POLR3GL: variants seen among roughly 807,000 people sequenced by gnomAD.
The protein encoded by POLR3GL is RNA polymerase III subunit GL.
Under a neutral mutation model 32.4 loss-of-function variants are expected in POLR3GL, and 26 were observed. The ratio of observed to expected loss-of-function variants is 0.80; its 90% CI spans 0.59 to 1.11. The LOEUF (loss-of-function observed/expected upper bound fraction) is 1.11, where lower values mean the gene tolerates loss of function less well. POLR3GL is among the 50% of genes most tolerant of loss of function. POLR3GL has a pLI of 0.00. For missense variants in POLR3GL, 229 were observed against 280.1 expected (o/e 0.82, Z 1.30); for synonymous variants, 95 against 98.7 (o/e 0.96, Z 0.22).
intron 1 of POLR3GL, among the ~76,000 whole-genome samples, chr1:145,972,966 T>C (rs1173369861): frequency 6.6e-6 from 1 of 152,118 alleles, no homozygotes; most frequent in Non-Finnish European, 1.5e-5. Context: ...CTCAAAGTGC[T>C]GGGATTATAG....
chr1:145,977,696 T>C (rs1272321909), intron 5 of POLR3GL, 82 bp from the exon 6 acceptor site: 70 of 1,390,194 alleles, frequency 5.0e-5, no homozygotes, highest in Non-Finnish European at 6.7e-5. Flanking sequence ...GGCAGCAGAG[T>C]GACATGTTCT....
At chr1:145,967,012 GCTGTTGATTTAA>G in intron 1 of POLR3GL, among the ~76,000 whole-genome samples, 1 of 152,032 alleles carries the variant, frequency 6.6e-6, no homozygotes, top group Middle Eastern at 3.4e-3. Flanking sequence ...CATTTCAAAG[GCTGTTGATTTAA>G]CTGGACAAAT....
In POLR3GL at chr1:145,974,978, C is replaced by A; in HGVS notation, c.113C>A (p.Ser38Tyr). 2.0e-6 allele frequency: 3 copies of A among 1,517,504 alleles called. No individual in the cohort carries two copies. The highest frequency in any genetic ancestry group is 2.6e-6 in the Non-Finnish European group (3 of 1,137,206). 94.0% of individuals were successfully genotyped at this position (1,517,504 alleles called of 1,614,324 possible). Residue 38 changes from serine to tyrosine, a missense_variant, in exon 2 of 8, where the codon TCT becomes TAT. Ser to Tyr is a moderately radical substitution (Grantham distance 144, BLOSUM62 -2). Coordinates refer to ENST00000369314, the MANE Select transcript of POLR3GL (RefSeq NM_032305.3). ...DALPPPTLQP[S>Y]PLFPPLEFRP... ...TTGCCCCCACCCACCCTGCAGCCTT[C>A]TCCACTCTTCCCTGTGAGTCTCTCC...
At chr1:145,976,066 G>A (rs1650538996) in intron 3 of POLR3GL, among the ~76,000 whole-genome samples, 1 of 152,068 alleles carries the variant, frequency 6.6e-6, no homozygotes, top group African/African-American at 2.4e-5. Context: ...CTTGAGGCCA[G>A]GAGTTTGAGG....
At position 145,975,410 on chromosome 1, in the gene POLR3GL, TC is replaced by T. The variant is rs782550150; in HGVS notation, c.231del (p.Phe77LeufsTer41). Reference sequence around the variant, plus strand: ...GGAGCCATGAGGCAGCTCCCCTACTTCATCCGGCCAGCTGTCCCCAAGAGAG... The same window carrying T: ...GGAGCCATGAGGCAGCTCCCCTACTTATCCGGCCAGCTGTCCCCAAGAGAG... Reference protein sequence around the residue: ...LRGAMRQLPYFIRPAVPKRDV... With the variant: ...LRGAMRQLPYXIRPAVPKRDV... On this transcript the variant is annotated frameshift_variant, in exon 3 of 8. Transcript: ENST00000369314. LOFTEE classifies it high-confidence loss of function. 1.1e-5 allele frequency: 18 copies of T among 1,613,914 alleles called. No homozygotes were observed. The highest frequency in any genetic ancestry group is 1.5e-5 in the Non-Finnish European group (18 of 1,179,910).
At chr1:145,967,056 T>C (rs1249478441) in intron 1 of POLR3GL, among the ~76,000 whole-genome samples, 2 of 152,304 alleles carry the variant, frequency 1.3e-5, no homozygotes, top group East Asian at 3.8e-4. Context: ...AAATATTATG[T>C]TTATAGTCTT....
intron 1 of POLR3GL, among the ~76,000 whole-genome samples, chr1:145,972,491 T>A (rs1650367229): frequency 6.6e-6 from 1 of 152,084 alleles, no homozygotes; most frequent in Non-Finnish European, 1.5e-5. Flanking sequence ...TTTTCCCCCA[T>A]ATAAATAAAT....
intron 4 of POLR3GL, 53 bp from the exon 5 acceptor site, chr1:145,977,430 A>T (rs1286854081): frequency 1.3e-6 from 2 of 1,548,646 alleles, no homozygotes; most frequent in Non-Finnish European, 1.8e-6. Context: ...GTCAGTATTC[A>T]CTGGAGACCC....
At chr1:145,971,416 ATGAC>A (rs1650289552) in intron 1 of POLR3GL, among the ~76,000 whole-genome samples, 1 of 151,848 alleles carries the variant, frequency 6.6e-6, no homozygotes, top group South Asian at 2.1e-4. Flanking sequence ...ACTGTTTTTG[ATGAC>A]TGACAGTTTT....
At chr1:145,966,509 C>T (rs1238392580) in intron 1 of POLR3GL, among the ~76,000 whole-genome samples, 5 of 146,034 alleles carry the variant, frequency 3.4e-5, no homozygotes, top group East Asian at 4.1e-4. Flanking sequence ...AAAAAGAGGC[C>T]GGGCGTGATG....
chr1:145,977,867 G>T lies in POLR3GL; in HGVS notation c.456+16G>T. The T allele has an allele frequency of 6.2e-7, 1 of 1,613,258 alleles. No individual in the cohort carries two copies. The highest frequency in any genetic ancestry group is 2.2e-5 in the East Asian group (1 of 44,880). ...GAAACTAGAGGTGAGGAGGAAGTGT[G>T]CATAGAGACCTCCTGAGCCCTGGAT... On this transcript the variant is annotated intron_variant, in intron 6 of 7. Transcript: ENST00000369314.
At chr1:145,971,992 ATAT>A (rs1650336161) in intron 1 of POLR3GL, among the ~76,000 whole-genome samples, 6 of 45,470 alleles carry the variant, frequency 1.3e-4, no homozygotes, top group African/African-American at 2.2e-4. Flanking sequence ...AAAAAAAAAT[ATAT>A]ATATATATAT....
chr1:145,977,242 TTCCCCGA>T (rs1553763575), intron 4 of POLR3GL, 90 bp downstream of exon 4: 3 of 1,146,746 alleles, frequency 2.6e-6, no homozygotes, highest in Non-Finnish European at 2.6e-6. Context: ...CCCCACCCCA[TTCCCCGA>T]TCCAGCATCT....
chr1:145,971,986 AAAAATATATAT>A (rs1650333184), intron 1 of POLR3GL, among the ~76,000 whole-genome samples: 1 of 83,574 alleles, frequency 1.2e-5, no homozygotes, highest in African/African-American at 4.6e-5. Flanking sequence ...AAAAAAAAAA[AAAAATATATAT>A]ATATATATAT....
intron 1 of POLR3GL, among the ~76,000 whole-genome samples, chr1:145,973,677 A>T (rs1451363625): frequency 6.6e-6 from 1 of 151,528 alleles, no homozygotes; most frequent in Admixed American, 6.6e-5. Context: ...GCACTGCTGC[A>T]CTCCAGCCTG....
chr1:145,971,989 A>AATATATATATATATATATATAT (rs1165893062), intron 1 of POLR3GL, among the ~76,000 whole-genome samples: 1 of 66,966 alleles, frequency 1.5e-5, no homozygotes, highest in African/African-American at 6.4e-5. Flanking sequence ...AAAAAAAAAA[A>AATATATATATATATATATATAT]ATATATATAT....
intron 7 of POLR3GL, 41 bp from the exon 8 acceptor site, chr1:145,978,320 G>A (rs782216529): frequency 2.0e-6 from 3 of 1,465,060 alleles, no homozygotes; most frequent in Non-Finnish European, 2.9e-6. Context: ...GAAGGAAGGT[G>A]AATGCCAAAT....
At chr1:145,968,515 A>T (rs945401885) in intron 1 of POLR3GL, among the ~76,000 whole-genome samples, 3 of 152,028 alleles carry the variant, frequency 2.0e-5, no homozygotes, top group African/African-American at 7.3e-5. Flanking sequence ...AAAGATACTT[A>T]ACCAGCTGGT....
chr1:145,969,867 CGA>C (rs1409804222), intron 1 of POLR3GL, among the ~76,000 whole-genome samples: 7 of 147,510 alleles, frequency 4.7e-5, no homozygotes, highest in Middle Eastern at 3.5e-3. Flanking sequence ...TGCGGTGAGC[CGA>C]GATTGCACCA....
Sources: allele counts gnomAD v4.1 joint callset (sites outside exome capture counted in the v4.1 genomes callset), GRCh38; gene constraint gnomAD v4.1.1; transcripts MANE v1.5; gene names NCBI Gene and HGNC (gene_info 2026-07-23, HGNC 2026-07-21).